Variants in KIF21A observed in about 807,000 individuals in gnomAD.
The protein encoded by KIF21A is kinesin-like protein KIF21A.
KIF21A carries 114 observed loss-of-function variants against 202.9 expected under a neutral mutation model. The ratio of observed to expected loss-of-function variants is 0.56; its 90% CI spans 0.48 to 0.66. KIF21A has a LOEUF of 0.66. Among genes scored for constraint, KIF21A ranks in the 30% least tolerant of loss-of-function variants. The probability of loss-of-function intolerance (pLI) is 0.00; values close to 1 mark genes in which losing one functional copy is unlikely to be tolerated. For synonymous variants in KIF21A, 667 were observed against 670.8 expected, an observed-to-expected ratio of 0.99 and a Z score of 0.09; for missense variants, 1,677 against 1,994.9, an observed-to-expected ratio of 0.84 and a Z score of 3.04.
chr12:39,331,722 G>T lies in KIF21A; in HGVS notation c.3121C>A (p.Leu1041Ile). 6.2e-7 allele frequency: 1 copy of T among 1,613,202 alleles called. No individual in the cohort carries two copies. Among genetic ancestry groups the T allele is most frequent in the Non-Finnish European group, 8.5e-7 (1 of 1,179,236 alleles). Residue 1041 changes from leucine to isoleucine, a missense_variant, in exon 22 of 38, where the codon CTA becomes ATA. Around this residue, in one of 3 missense-constraint regions of KIF21A, gnomAD observed 705 missense variants for 791.9 expected, o/e 0.89. Coordinates refer to ENST00000361418, the MANE Select transcript of KIF21A (RefSeq NM_001173464.2). ...ATGCCCATTGACAGGAAGTGATCTAGCAGGTATCGGGCTTCTGTAAGGGTG... is the reference window on the plus strand; with the variant it reads ...ATGCCCATTGACAGGAAGTGATCTATCAGGTATCGGGCTTCTGTAAGGGTG... ...ACTLTEARYL[L>I]DHFLSMGINK...
In KIF21A at chr12:39,304,907, G is replaced by C; in HGVS notation, c.4474C>G (p.Leu1492Val). 2.5e-6 allele frequency: 4 copies of C among 1,599,436 alleles called. No individual in the cohort carries two copies. The highest frequency in any genetic ancestry group is 1.1e-5 in the South Asian group (1 of 90,534). Residue 1492 changes from leucine (L) to valine (V), a missense_variant, in exon 35 of 38, where the codon CTA becomes GTA. Leu to Val is a conservative substitution (Grantham distance 32). Coordinates refer to ENST00000361418, the MANE Select transcript of KIF21A (RefSeq NM_001173464.2). ...FQSTGKLTGH[L>V]GPVMCLTVDQ... ...ACAGTAAGGCACATAACAGGGCCTA[G>C]GTGTCCTGTTAACTTTCCTGTAGAC... is the stretch of plus-strand genomic sequence containing the variant.
intron 1 of KIF21A, among the ~76,000 whole-genome samples, chr12:39,412,546 G>A (rs1953191911): frequency 6.6e-6 from 1 of 151,974 alleles, no homozygotes. Flanking sequence ...GTGAAACCCT[G>A]TCTCTACAAA....
chr12:39,298,113 G>A (rs925582875), intron 37 of KIF21A, among the ~76,000 whole-genome samples: 3 of 152,010 alleles, frequency 2.0e-5, no homozygotes, highest in Non-Finnish European at 4.4e-5. Context: ...AAGGCAGTGC[G>A]AGGCTGTGAT....
intron 1 of KIF21A, among the ~76,000 whole-genome samples, chr12:39,395,389 C>G (rs150760473): frequency 6.8e-6 from 1 of 147,832 alleles, no homozygotes; most frequent in Non-Finnish European, 1.5e-5. Context: ...CCCGCTTCTT[C>G]ACCGCATTAC....
rs939035150 is a variant in KIF21A at position 39,442,626 on chromosome 12, G to A, written c.44+301C>T. On this transcript the variant is annotated intron_variant, in intron 1 of 37. Transcript: ENST00000361418. The surrounding 1 kb of genome is among the most constrained non-coding windows in gnomAD (Gnocchi z 5.0). The stretch of plus-strand genomic sequence containing the variant: ...TGACTGATCCCGCGAGGGGACGGAG[G>A]GGAGTGACGAGGGCTTTTCCCCCAG... 3.9e-5 allele frequency among the ~76,000 whole-genome samples: 6 copies of A among 152,190 alleles called. No individual in the cohort carries two copies. Among genetic ancestry groups the A allele is most frequent in the Non-Finnish European group, 8.8e-5 (6 of 68,022 alleles).
chr12:39,342,116 C>T lies in KIF21A; in HGVS notation c.1721G>A (p.Gly574Asp). ...ESNREERSVA[G>D]KEDNTDTDQE... ...GTCAGTGTCTGTATTATCCTCTTTACCAGCCACACTAAAAAAAGGAACATA... is the reference window on the plus strand; with the variant it reads ...GTCAGTGTCTGTATTATCCTCTTTATCAGCCACACTAAAAAAAGGAACATA... Residue 574 changes from glycine to aspartate, a missense_variant, in exon 13 of 38, where the codon GGT (glycine) becomes GAT (aspartate). By Grantham distance (94) the Gly-to-Asp change is moderately conservative. Transcript: ENST00000361418. 1 of 1,606,082 alleles carries T rather than the reference C, an allele frequency of 6.2e-7. No homozygotes were observed. The highest frequency in any genetic ancestry group is 8.5e-7 in the Non-Finnish European group (1 of 1,173,140).
intron 26 of KIF21A, among the ~76,000 whole-genome samples, chr12:39,325,059 A>G (rs1945716432): frequency 6.6e-6 from 1 of 152,222 alleles, no homozygotes; most frequent in African/African-American, 2.4e-5. Context: ...ACAAATACGC[A>G]TCATAGCTTC....
At chr12:39,330,388 C>A (rs2138066727) in intron 23 of KIF21A, 126 bp from the exon 24 acceptor site, 1 of 830,812 alleles carries the variant, frequency 1.2e-6, no homozygotes, top group East Asian at 2.5e-5. Context: ...CCATAGCAAA[C>A]ACTTATAAGT....
Position 39,442,976 on chromosome 12 carries a change from C to A in KIF21A, c.-6G>T, listed in dbSNP as rs1453290503. 7 of 1,519,552 alleles carry A rather than the reference C, an allele frequency of 4.6e-6. No individual in the cohort carries two copies. The highest frequency in any genetic ancestry group is 6.1e-6 in the Non-Finnish European group (7 of 1,141,120). The allele number at this position is 1,519,552 out of a possible 1,614,324, so 94.1% of individuals were successfully genotyped here. A position where few individuals can be genotyped will look rare whatever the true frequency, so the allele number is the denominator to read the frequency against. ...TCGTCCGGGGCGCCCAACATGCTGG[C>A]GGCGGGCAGCGATCGAGCCGTTGGG... is the stretch of plus-strand genomic sequence containing the variant. On this transcript the variant is annotated 5_prime_UTR_variant, in exon 1 of 38. Transcript: ENST00000361418. This position sits in a 1 kb window ranked among gnomAD's most constrained non-coding sequence, Gnocchi z 5.0.
At chr12:39,351,422 G>T (rs1948369539) in intron 11 of KIF21A, among the ~76,000 whole-genome samples, 1 of 152,020 alleles carries the variant, frequency 6.6e-6, no homozygotes. Flanking sequence ...ATTAGGAAAT[G>T]GGGAAAAAAT....
chr12:39,423,983 C>CAAAA lies in KIF21A; in HGVS notation c.44+18940_44+18943dup, dbSNP rs35526386. 2.0e-3 allele frequency among the ~76,000 whole-genome samples: 51 copies of CAAAA among 25,666 alleles called. 6 individuals are homozygous for CAAAA. The highest frequency in any genetic ancestry group is 4.3e-3 in the African/African-American group (44 of 10,282). 16.8% of individuals were successfully genotyped at this position (25,666 alleles called of 152,430 possible). A position where few individuals can be genotyped will look rare whatever the true frequency, so the allele number is the denominator to read the frequency against. On this transcript the variant is annotated intron_variant, in intron 1 of 37. Transcript: ENST00000361418. ...TGGGGGACAGAGCAAGACTCTGTCT[C>CAAAA]AAAAAAAAAAAAAAAAAAAAAAAAA...
intron 1 of KIF21A, among the ~76,000 whole-genome samples, chr12:39,372,983 TC>T (rs1273254525): frequency 6.6e-6 from 1 of 152,130 alleles, no homozygotes; most frequent in Non-Finnish European, 1.5e-5. Context: ...AGTTATTTCC[TC>T]CCCCATCAAC....
intron 37 of KIF21A, among the ~76,000 whole-genome samples, chr12:39,301,233 G>C (rs527608995): frequency 6.6e-6 from 1 of 152,294 alleles, no homozygotes; most frequent in South Asian, 2.1e-4. Context: ...AAGGAAACAT[G>C]TGACAGCACA....
chr12:39,343,637 C>T (rs1272836943), intron 12 of KIF21A, among the ~76,000 whole-genome samples: 3 of 152,218 alleles, frequency 2.0e-5, no homozygotes, highest in Middle Eastern at 3.4e-3. Flanking sequence ...TTTCTATTCT[C>T]AGAGATATTT....
intron 1 of KIF21A, among the ~76,000 whole-genome samples, chr12:39,440,710 G>A (rs530449323): frequency 2.0e-5 from 3 of 152,294 alleles, no homozygotes; most frequent in Admixed American, 6.5e-5. Flanking sequence ...TCTGTTCAGA[G>A]AACAATGTAT....
At chr12:39,333,795 T>C (rs1032662948) in intron 17 of KIF21A, among the ~76,000 whole-genome samples, 1 of 152,110 alleles carries the variant, frequency 6.6e-6, no homozygotes, top group Admixed American at 6.6e-5. Flanking sequence ...CAATAAAATA[T>C]GTCTGCACTG....
At chr12:39,406,895 T>C (rs1003944455) in intron 1 of KIF21A, among the ~76,000 whole-genome samples, 8 of 152,238 alleles carry the variant, frequency 5.3e-5, no homozygotes, top group Admixed American at 4.6e-4. Flanking sequence ...TCCAAACTCA[T>C]GCTCAGCTCA....
intron 1 of KIF21A, among the ~76,000 whole-genome samples, chr12:39,431,645 G>C (rs994573771): frequency 5.9e-5 from 9 of 152,144 alleles, no homozygotes; most frequent in African/African-American, 2.2e-4. Flanking sequence ...AGTTAAGCAA[G>C]ACAGGAATTC....
intron 24 of KIF21A, among the ~76,000 whole-genome samples, chr12:39,327,181 T>A (rs547650380): frequency 3.3e-5 from 5 of 152,116 alleles, no homozygotes; most frequent in Non-Finnish European, 7.4e-5. Flanking sequence ...ATATATAGGG[T>A]TCATCCCCTT....
Sources: gnomAD v4.1 joint callset for allele counts (sites outside exome capture counted in the v4.1 genomes callset) on GRCh38, gnomAD v4.1.1 for gene constraint, gnomAD v4.1.1 regional missense constraint, Gnocchi (gnomAD v3.1) non-coding constraint, MANE v1.5 for transcripts, NCBI Gene and HGNC (gene_info 2026-07-23, HGNC 2026-07-21) for gene names.